CKAP5: variants seen among roughly 807,000 people sequenced by gnomAD.
CKAP5 encodes cytoskeleton associated protein 5, also known as cytoskeleton-associated protein 5.
In CKAP5, 27 loss-of-function variants were observed where a neutral mutation model predicts 232.8. The observed-to-expected ratio is 0.12, with a 90% CI of 0.09 to 0.16. CKAP5 has a LOEUF of 0.16. Among genes scored for constraint, CKAP5 ranks in the 10% least tolerant of loss-of-function variants. The pLI is 1.00. For missense variants in CKAP5, 1,838 were observed against 2,424.7 expected (o/e 0.76, Z 5.08); for synonymous variants, 785 against 841.1 (o/e 0.93, Z 1.16).
At chr11:46,788,795 A>C in intron 15 of CKAP5, 22 bp from the exon 16 acceptor site, 1 of 1,529,122 alleles carries the variant, frequency 6.5e-7, no homozygotes, top group Non-Finnish European at 9.0e-7. Flanking sequence ...ATAAGAGAAT[A>C]AGAGTTTAAG....
intron 35 of CKAP5, 75 bp downstream of exon 35, chr11:46,758,848 C>A (rs907707016): frequency 1.6e-5 from 24 of 1,525,292 alleles, no homozygotes; most frequent in Non-Finnish European, 2.2e-5. Flanking sequence ...TATGACTCTG[C>A]GAGTGTGCAA....
At chr11:46,760,516 G>A (rs2065145167) in intron 33 of CKAP5, 96 bp downstream of exon 33, 1 of 1,184,956 alleles carries the variant, frequency 8.4e-7, no homozygotes, top group Non-Finnish European at 1.2e-6. Context: ...CATGATAATG[G>A]CTACAAGAAC....
intron 13 of CKAP5, among the ~76,000 whole-genome samples, chr11:46,791,561 C>G (rs1938723010): frequency 6.6e-6 from 1 of 152,068 alleles, no homozygotes; most frequent in African/African-American, 2.4e-5. Flanking sequence ...ATAGTCTCAG[C>G]TACTTGGGAG....
At chr11:46,844,496 T>C (rs184778572) in intron 1 of CKAP5, among the ~76,000 whole-genome samples, 1 of 152,342 alleles carries the variant, frequency 6.6e-6, no homozygotes, top group Admixed American at 6.5e-5. Flanking sequence ...AAGACTGCGA[T>C]GGAATTACCA....
chr11:46,816,511 A>C, intron 3 of CKAP5, 107 bp from the exon 4 acceptor site: 5 of 753,200 alleles, frequency 6.6e-6, no homozygotes, highest in Non-Finnish European at 1.1e-5. Flanking sequence ...GAAATACAGT[A>C]AATGAGTCTT....
chr11:46,762,816 T>C, intron 30 of CKAP5, 54 bp from the exon 31 acceptor site: 1 of 1,568,964 alleles, frequency 6.4e-7, no homozygotes, highest in Middle Eastern at 1.7e-4. Flanking sequence ...GTAGCAATGA[T>C]TCTCCCATGC....
intron 35 of CKAP5, among the ~76,000 whole-genome samples, chr11:46,758,486 G>A (rs1182513954): frequency 6.6e-6 from 1 of 152,076 alleles, no homozygotes; most frequent in African/African-American, 2.4e-5. Flanking sequence ...GTCCTTACTT[G>A]TTAGCTGCTG....
intron 38 of CKAP5, 43 bp downstream of exon 38, chr11:46,752,592 T>C (rs373529024): frequency 2.7e-6 from 4 of 1,482,798 alleles, no homozygotes; most frequent in African/African-American, 2.8e-5. Flanking sequence ...AACAAAGTGA[T>C]TGCATCTTTG....
chr11:46,788,372 C>T lies in CKAP5; in HGVS notation c.1968+309G>A, dbSNP rs551800739. Among the ~76,000 whole-genome samples, 200 of 152,280 alleles carry T rather than the reference C, an allele frequency of 1.3e-3. 2 individuals are homozygous for T. Among genetic ancestry groups the T allele is most frequent in the South Asian group, 6.2e-4 (3 of 4,832 alleles). ...GGCGGATCACCTGAGGTCAGGAGTT[C>T]GAGACCAGCCTGACCAACATAGAGA... On this transcript the variant is annotated intron_variant, in intron 16 of 43. Coordinates refer to ENST00000529230, the MANE Select transcript of CKAP5 (RefSeq NM_001008938.4).
intron 3 of CKAP5, among the ~76,000 whole-genome samples, 172 bp from the exon 4 acceptor site, chr11:46,816,576 A>C (rs2134683938): frequency 6.6e-6 from 1 of 152,314 alleles, no homozygotes; most frequent in Non-Finnish European, 1.5e-5. Flanking sequence ...TAAACATAAA[A>C]TTTTAAGACA....
chr11:46,753,301 C>T lies in CKAP5; in HGVS notation c.5057+9G>A. 1 of 1,591,210 alleles carries T rather than the reference C, an allele frequency of 6.3e-7. No individual in the cohort carries two copies. Among genetic ancestry groups the T allele is most frequent in the Non-Finnish European group, 8.5e-7 (1 of 1,171,838 alleles). On this transcript the variant is annotated intron_variant, in intron 37 of 43. Transcript: ENST00000529230. ...CCCCAGGCTCTATTGGCTGAGAGTA[C>T]AGATATACCTCAGGATGTTGGTCTG...
chr11:46,758,722 A>C (rs2065130512), intron 35 of CKAP5: 1 of 506,748 alleles, frequency 2.0e-6, no homozygotes, highest in South Asian at 3.4e-5. Context: ...AGGAAAAAAA[A>C]AAAAAAAAAT....
chr11:46,824,149 C>T (rs1240055295), intron 1 of CKAP5, among the ~76,000 whole-genome samples: 1 of 152,170 alleles, frequency 6.6e-6, no homozygotes, highest in Non-Finnish European at 1.5e-5. Flanking sequence ...TATGCTTCTT[C>T]CTTTACATTT....
In CKAP5 at chr11:46,751,382, G is replaced by T; in HGVS notation, c.5286C>A (p.Thr1762=). Residue 1762 remains threonine, a synonymous_variant, in exon 39 of 44, where the codon ACC becomes ACA. Coordinates refer to ENST00000529230, the MANE Select transcript of CKAP5 (RefSeq NM_001008938.4). ...KSEFPIRTLK[T]LLHTLCKLKG... ...TTAATTTGCATAAGGTGTGTAGCAGGGTCTTTAGGGTCCTTATGGGAAATT... is the reference window on the plus strand; with the variant it reads ...TTAATTTGCATAAGGTGTGTAGCAGTGTCTTTAGGGTCCTTATGGGAAATT... 6.2e-7 allele frequency: 1 copy of T among 1,614,050 alleles called. No homozygotes were observed. The highest frequency in any genetic ancestry group is 8.5e-7 in the Non-Finnish European group (1 of 1,180,008).
At chr11:46,744,749 T>C (rs1460922225) in intron 42 of CKAP5, among the ~76,000 whole-genome samples, 172 bp from the exon 43 acceptor site, 1 of 152,160 alleles carries the variant, frequency 6.6e-6, no homozygotes. Flanking sequence ...AAATATACAA[T>C]ATAAGCTTCT....
chr11:46,763,369 T>C, intron 29 of CKAP5, 112 bp downstream of exon 29: 6 of 1,059,840 alleles, frequency 5.7e-6, no homozygotes, highest in East Asian at 2.6e-5. Context: ...GCTCTAAAAA[T>C]AGAGAACATA....
chr11:46,797,778 TC>T (rs1555165512), intron 11 of CKAP5, 26 bp downstream of exon 11: 2 of 1,580,552 alleles, frequency 1.3e-6, no homozygotes, highest in Non-Finnish European at 1.7e-6. Flanking sequence ...TATAAAATAT[TC>T]CCCCAACTTC....
chr11:46,793,344 G>A (rs150805662), intron 13 of CKAP5, among the ~76,000 whole-genome samples: 3 of 152,332 alleles, frequency 2.0e-5, no homozygotes, highest in African/African-American at 7.2e-5. Context: ...TGGGGCTGGC[G>A]TGGGGAAGGA....
At chr11:46,830,204 G>A (rs1419707232) in intron 1 of CKAP5, among the ~76,000 whole-genome samples, 2 of 152,096 alleles carry the variant, frequency 1.3e-5, no homozygotes, top group South Asian at 2.1e-4. Flanking sequence ...AACTTTGGGA[G>A]TCCAAGGCAG....
Sources: allele counts gnomAD v4.1 joint callset (sites outside exome capture counted in the v4.1 genomes callset), GRCh38; gene constraint gnomAD v4.1.1; transcripts MANE v1.5; gene names NCBI Gene and HGNC (gene_info 2026-07-23, HGNC 2026-07-21).